Variants in EPHB1 observed in about 807,000 individuals in gnomAD.
EPHB1 encodes the protein EPH receptor B1.
Under a neutral mutation model 94.4 loss-of-function variants are expected in EPHB1, and 30 were observed. The ratio of observed to expected loss-of-function variants is 0.32; its 90% CI spans 0.24 to 0.43. EPHB1 has a LOEUF of 0.43. Ranked by LOEUF, EPHB1 falls within the 20% of genes least tolerant of loss-of-function variation. EPHB1 has a pLI of 1.00. For synonymous variants in EPHB1, 522 were observed against 489.1 expected (o/e 1.07, Z -0.89); for missense variants, 1,055 against 1,308.3 (o/e 0.81, Z 2.99).
intron 1 of EPHB1, among the ~76,000 whole-genome samples, chr3:134,807,476 G>A (rs1295212493): frequency 2.0e-5 from 3 of 149,830 alleles, no homozygotes; most frequent in Non-Finnish European, 3.0e-5. Context: ...ACTTAGAGTG[G>A]GAAGGATTTG....
chr3:135,076,074 T>C (rs1343081001), intron 3 of EPHB1, among the ~76,000 whole-genome samples: 1 of 152,094 alleles, frequency 6.6e-6, no homozygotes, highest in Non-Finnish European at 1.5e-5. Flanking sequence ...AAATGGATCA[T>C]AGACCTAAAA....
At chr3:135,133,141 C>T (rs1221347435) in intron 5 of EPHB1, 92 bp downstream of exon 5, 2 of 1,277,452 alleles carry the variant, frequency 1.6e-6, no homozygotes, top group South Asian at 1.5e-5. Context: ...CCCATCCTGC[C>T]CGTGTACTGT....
At chr3:135,030,319 T>G (rs944766469) in intron 3 of EPHB1, among the ~76,000 whole-genome samples, 4 of 152,194 alleles carry the variant, frequency 2.6e-5, no homozygotes, top group Non-Finnish European at 4.4e-5. Context: ...AGAGTTTCCA[T>G]TTTTTCTGTT....
intron 4 of EPHB1, among the ~76,000 whole-genome samples, chr3:135,107,113 T>A (rs1265238697): frequency 1.3e-5 from 2 of 152,214 alleles, no homozygotes; most frequent in African/African-American, 4.8e-5. Context: ...ATTCATCTTC[T>A]TGTGTCCCTT....
chr3:135,084,373 T>C (rs1397954965), intron 3 of EPHB1, among the ~76,000 whole-genome samples: 1 of 152,108 alleles, frequency 6.6e-6, no homozygotes, highest in African/African-American at 2.4e-5. Flanking sequence ...GAAAAGACAG[T>C]GCTCATGGTT....
intron 3 of EPHB1, among the ~76,000 whole-genome samples, chr3:134,977,784 G>A (rs1934245805): frequency 6.6e-6 from 1 of 152,176 alleles, no homozygotes; most frequent in Admixed American, 6.5e-5. Flanking sequence ...AGAGCCCACA[G>A]TTTGCTCCAC....
intron 1 of EPHB1, among the ~76,000 whole-genome samples, chr3:134,833,939 T>C (rs2036625082): frequency 6.6e-6 from 1 of 152,016 alleles, no homozygotes; most frequent in African/African-American, 2.4e-5. Context: ...CCCCAGAGCG[T>C]GATAAGAGGA....
intron 1 of EPHB1, among the ~76,000 whole-genome samples, chr3:134,854,590 G>A (rs957454210): frequency 9.9e-5 from 15 of 152,146 alleles, no homozygotes; most frequent in Admixed American, 8.5e-4. Context: ...CCCATGGGAA[G>A]CGTTTGCCTC....
intron 3 of EPHB1, among the ~76,000 whole-genome samples, chr3:135,089,462 A>G (rs1938479668): frequency 6.6e-6 from 1 of 152,262 alleles, no homozygotes; most frequent in South Asian, 2.1e-4. Flanking sequence ...TAATACCAAC[A>G]CAACTTTACA....
At chr3:134,820,205 C>T (rs967326405) in intron 1 of EPHB1, among the ~76,000 whole-genome samples, 13 of 152,234 alleles carry the variant, frequency 8.5e-5, no homozygotes, top group Non-Finnish European at 4.4e-5. Context: ...ACTCCATTGG[C>T]AAAGACTACT....
At chr3:135,224,973 T>C (rs1368987328) in intron 12 of EPHB1, among the ~76,000 whole-genome samples, 1 of 152,234 alleles carries the variant, frequency 6.6e-6, no homozygotes, top group Non-Finnish European at 1.5e-5. Context: ...ACCTAGCTTA[T>C]TCCATCACTC....
chr3:135,164,069 A>T (rs895756733), intron 7 of EPHB1, among the ~76,000 whole-genome samples: 1 of 152,188 alleles, frequency 6.6e-6, no homozygotes, highest in African/African-American at 2.4e-5. Context: ...CCTAATTTTT[A>T]AAAAATCATT....
In EPHB1 at chr3:135,074,882, G is replaced by A. The variant is rs151005139; in HGVS notation, c.806-31566G>A. The stretch of plus-strand genomic sequence containing the variant: ...GGGGCAAGCAGAGTATCAGGGTGGT[G>A]GGGTGGAAATGAGGAGTGAGACCCA... On this transcript the variant is annotated intron_variant, in intron 3 of 15. Transcript: ENST00000398015. Among the ~76,000 whole-genome samples, 304 of 152,170 alleles carry A rather than the reference G, an allele frequency of 2.0e-3. 4 individuals carry two copies. Among genetic ancestry groups the A allele is most frequent in the African/African-American group, 7.0e-3 (290 of 41,570 alleles).
At chr3:135,066,990 A>G (rs929672439) in intron 3 of EPHB1, among the ~76,000 whole-genome samples, 4 of 152,146 alleles carry the variant, frequency 2.6e-5, no homozygotes, top group African/African-American at 9.7e-5. Flanking sequence ...CAAGTCTACC[A>G]GGCTCTGGGC....
chr3:135,051,006 CAG>C (rs1411945122), intron 3 of EPHB1, among the ~76,000 whole-genome samples: 1 of 151,872 alleles, frequency 6.6e-6, no homozygotes, highest in Admixed American at 6.6e-5. Context: ...CCTTCTCCTG[CAG>C]AGAGAGAGGG....
rs560523316 is a variant in EPHB1, at chr3:135,050,635, G to A, written c.806-55813G>A. Among the ~76,000 whole-genome samples the A allele has an allele frequency of 1.4e-3, 212 of 152,268 alleles. 1 individual carries two copies. Among genetic ancestry groups the A allele is most frequent in the African/African-American group, 4.9e-3 (205 of 41,550 alleles). The stretch of plus-strand genomic sequence containing the variant: ...ATGTTGGAGGTGGGCCTAATAGGAG[G>A]TGTTTTCGTCATGGGGCTGGATCCC... On this transcript the variant is annotated intron_variant, in intron 3 of 15. Transcript: ENST00000398015.
chr3:135,023,597 C>T (rs1323170591), intron 3 of EPHB1, among the ~76,000 whole-genome samples: 3 of 152,166 alleles, frequency 2.0e-5, no homozygotes, highest in Non-Finnish European at 4.4e-5. Context: ...AGAAATAGAT[C>T]ATTTCCACTA....
At chr3:134,802,538 A>G (rs1192219417) in intron 1 of EPHB1, among the ~76,000 whole-genome samples, 1 of 151,954 alleles carries the variant, frequency 6.6e-6, no homozygotes, top group Non-Finnish European at 1.5e-5. Flanking sequence ...AATATCAAGA[A>G]GGCTAAGTGC....
intron 3 of EPHB1, among the ~76,000 whole-genome samples, chr3:135,068,627 T>C (rs1490910965): frequency 2.0e-5 from 3 of 152,050 alleles, no homozygotes; most frequent in African/African-American, 7.3e-5. Flanking sequence ...ATAGTGGTTT[T>C]TGAGGCACAG....
Sources: gnomAD v4.1 joint callset for allele counts (sites outside exome capture counted in the v4.1 genomes callset) on GRCh38, gnomAD v4.1.1 for gene constraint, MANE v1.5 for transcripts, NCBI Gene and HGNC (gene_info 2026-07-23, HGNC 2026-07-21) for gene names.